The following APBA2 variants were observed in gnomAD, a reference collection of about 807,000 sequenced individuals.
APBA2 encodes amyloid-beta A4 precursor protein-binding family A member 2.
A neutral mutation model predicts 75.0 loss-of-function variants in APBA2; 30 were observed. The ratio of observed to expected loss-of-function variants is 0.40; its 90% confidence interval spans 0.30 to 0.54. The LOEUF (loss-of-function observed/expected upper bound fraction) is 0.54. Among genes scored for constraint, APBA2 ranks in the 20% least tolerant of loss-of-function variants. APBA2 has a pLI of 0.49. For synonymous variants in APBA2, 444 were observed against 409.6 expected, an observed-to-expected ratio of 1.08 and a Z score of -1.01; for missense variants, 801 against 1,016.1, an observed-to-expected ratio of 0.79 and a Z score of 2.88.
chr15:28,973,117 C>G (rs2037155281), intron 2 of APBA2, among the ~76,000 whole-genome samples: 1 of 152,188 alleles, frequency 6.6e-6, no homozygotes, highest in Non-Finnish European at 1.5e-5. Flanking sequence ...CATGCAAACT[C>G]CATTGAGGTC....
At chr15:28,943,214 G>T (rs932846011) in intron 2 of APBA2, among the ~76,000 whole-genome samples, 1 of 152,180 alleles carries the variant, frequency 6.6e-6, no homozygotes, top group Non-Finnish European at 1.5e-5. Context: ...CATACTAAAG[G>T]CTTCTTCCTT....
chr15:29,093,336 CA>C, intron 7 of APBA2, 116 bp downstream of exon 7: 1 of 1,456,312 alleles, frequency 6.9e-7, no homozygotes, highest in Non-Finnish European at 9.4e-7. Context: ...GCCCTCAGCA[CA>C]GGGGGCAGGA....
At chr15:29,062,906 A>C (rs1411350530) in intron 4 of APBA2, among the ~76,000 whole-genome samples, 1 of 145,954 alleles carries the variant, frequency 6.9e-6, no homozygotes, top group Non-Finnish European at 1.5e-5. Flanking sequence ...GGCTGTGGGG[A>C]GGGGAGTTGA....
intron 3 of APBA2, among the ~76,000 whole-genome samples, chr15:29,040,399 C>G (rs2040973692): frequency 6.6e-6 from 1 of 152,338 alleles, no homozygotes; most frequent in Non-Finnish European, 1.5e-5. Flanking sequence ...TGGAAGAAAT[C>G]TTGGAGAGGG....
intron 3 of APBA2, among the ~76,000 whole-genome samples, chr15:29,016,950 T>G (rs2039691211): frequency 6.6e-6 from 1 of 152,226 alleles, no homozygotes; most frequent in Non-Finnish European, 1.5e-5. Context: ...ATTTGGTGAT[T>G]TATATTTTTG....
intron 1 of APBA2, among the ~76,000 whole-genome samples, chr15:28,921,121 T>C (rs575163288): frequency 1.2e-4 from 18 of 152,288 alleles, no homozygotes; most frequent in Non-Finnish European, 2.5e-4. Context: ...GCCTACTAGG[T>C]GTGGCATGCT....
At chr15:29,000,846 C>T (rs1294546719) in intron 3 of APBA2, among the ~76,000 whole-genome samples, 2 of 152,148 alleles carry the variant, frequency 1.3e-5, no homozygotes, top group Non-Finnish European at 1.5e-5. Context: ...GCTAGGATTA[C>T]AAGTGTAAGC....
chr15:28,977,761 G>C (rs902400286), intron 2 of APBA2, among the ~76,000 whole-genome samples: 1 of 152,164 alleles, frequency 6.6e-6, no homozygotes, highest in Non-Finnish European at 1.5e-5. Context: ...CAGGCACACA[G>C]CCTTTCCAGA....
chr15:29,048,005 A>G (rs1195300781), intron 3 of APBA2, among the ~76,000 whole-genome samples: 1 of 152,194 alleles, frequency 6.6e-6, no homozygotes, highest in African/African-American at 2.4e-5. Context: ...ATAAATAGGA[A>G]GATTTTTTTG....
In APBA2 at chr15:29,071,842, T is replaced by A. The variant is rs535468509; in HGVS notation, c.952-3079T>A. 3.4e-4 allele frequency among the ~76,000 whole-genome samples: 51 copies of A among 151,920 alleles called. No individual in the cohort carries two copies. In the South Asian group the frequency reaches 6.5e-3, roughly 19 times the overall value. ...TGGGAGGGAGATAGAGGAAACGCTG[T>A]TATGGAGGAAAGGTCACCCCTAGAG... On this transcript the variant is annotated intron_variant, in intron 4 of 14. Coordinates refer to ENST00000683413, the MANE Select transcript of APBA2 (RefSeq NM_001353788.2).
chr15:29,112,617 C>G (rs550556575), intron 13 of APBA2, among the ~76,000 whole-genome samples: 8 of 152,102 alleles, frequency 5.3e-5, no homozygotes, highest in Admixed American at 5.2e-4. Flanking sequence ...CCTCTCTCCA[C>G]CCCCTTCTCT....
intron 2 of APBA2, among the ~76,000 whole-genome samples, chr15:28,951,530 A>G (rs1595548270): frequency 6.6e-6 from 1 of 152,190 alleles, no homozygotes; most frequent in Non-Finnish European, 1.5e-5. Flanking sequence ...AGACAGAGCT[A>G]GGAAATATGC....
chr15:29,026,930 A>C (rs1005995041), intron 3 of APBA2, among the ~76,000 whole-genome samples: 1 of 152,160 alleles, frequency 6.6e-6, no homozygotes, highest in African/African-American at 2.4e-5. Flanking sequence ...CAAAAAAACA[A>C]GAACAAAAAA....
intron 4 of APBA2, among the ~76,000 whole-genome samples, chr15:29,065,585 G>C (rs1428293778): frequency 6.6e-6 from 1 of 152,210 alleles, no homozygotes; most frequent in African/African-American, 2.4e-5. Context: ...GAAAGGAGAT[G>C]TGGAATGGAA....
intron 3 of APBA2, among the ~76,000 whole-genome samples, chr15:29,013,570 C>T (rs751747690): frequency 3.3e-5 from 5 of 152,196 alleles, no homozygotes; most frequent in South Asian, 2.1e-4. Flanking sequence ...CGTGAGCCAC[C>T]GCCCCCGGCC....
At chr15:29,095,776 G>C (rs969115701) in intron 8 of APBA2, among the ~76,000 whole-genome samples, 20 of 152,244 alleles carry the variant, frequency 1.3e-4, no homozygotes, top group Non-Finnish European at 2.8e-4. Flanking sequence ...CTGCTCAGGA[G>C]CAGGAGAGGA....
intron 3 of APBA2, among the ~76,000 whole-genome samples, chr15:29,032,385 G>A (rs2040532811): frequency 6.6e-6 from 1 of 152,212 alleles, no homozygotes; most frequent in Non-Finnish European, 1.5e-5. Flanking sequence ...TCCCCGAAGG[G>A]GAAGGTCGGC....
At chr15:29,033,238 G>A (rs1305391744) in intron 3 of APBA2, among the ~76,000 whole-genome samples, 1 of 152,166 alleles carries the variant, frequency 6.6e-6, no homozygotes, top group Non-Finnish European at 1.5e-5. Flanking sequence ...CTGCTGCCCA[G>A]CCCTCTCCTC....
intron 2 of APBA2, among the ~76,000 whole-genome samples, chr15:28,931,821 G>A (rs921648864): frequency 2.6e-5 from 4 of 152,202 alleles, no homozygotes; most frequent in Admixed American, 1.3e-4. Context: ...TTAATTGTAC[G>A]TATTTGGAGA....
Sources: allele counts gnomAD v4.1 joint callset (sites outside exome capture counted in the v4.1 genomes callset), GRCh38; gene constraint gnomAD v4.1.1; transcripts MANE v1.5; gene names NCBI Gene and HGNC (gene_info 2026-07-23, HGNC 2026-07-21).